Variants in GALNT13 observed in about 807,000 individuals in gnomAD.
The protein encoded by GALNT13 is polypeptide N-acetylgalactosaminyltransferase 13, also known as UDP-GalNAc:polypeptide N-acetylgalactosaminyltransferase 13.
GALNT13 carries 28 observed loss-of-function variants against 64.2 expected under a neutral mutation model. The ratio of observed to expected loss-of-function variants is 0.44; its 90% CI spans 0.32 to 0.60. The LOEUF (loss-of-function observed/expected upper bound fraction) is 0.60, where lower values mean the gene tolerates loss of function less well. Ranked by LOEUF, GALNT13 falls within the 20% of genes least tolerant of loss-of-function variation. The pLI, the probability that GALNT13 is intolerant of heterozygous loss-of-function variation, is 0.05. For synonymous variants in GALNT13, 214 were observed against 224.6 expected (o/e 0.95, Z 0.42); for missense variants, 577 against 669.8 (o/e 0.86, Z 1.53).
intron 12 of GALNT13, among the ~76,000 whole-genome samples, chr2:154,447,987 G>C (rs770785561): frequency 6.6e-6 from 1 of 152,002 alleles, no homozygotes; most frequent in Non-Finnish European, 1.5e-5. Context: ...AGAAATTGGA[G>C]CAGTTCCCTT....
intron 3 of GALNT13, among the ~76,000 whole-genome samples, chr2:154,128,098 A>G (rs1170279112): frequency 1.3e-5 from 2 of 152,024 alleles, no homozygotes; most frequent in African/African-American, 2.4e-5. Flanking sequence ...AGGCCAGGGT[A>G]TGTTTGACAA....
At chr2:153,263,870 T>G in the GALNT13 span, among the ~76,000 whole-genome samples, 2 of 152,118 alleles carry the variant, frequency 1.3e-5, no homozygotes, top group East Asian at 1.9e-4. Context: ...GCAATACCAT[T>G]TAGGATGTAG....
intron 1 of GALNT13, among the ~76,000 whole-genome samples, chr2:153,874,294 C>T (rs1191449505): frequency 6.6e-6 from 1 of 151,826 alleles, no homozygotes; most frequent in East Asian, 2.0e-4. Context: ...TCTCCTTTAG[C>T]CCCTATCCAC....
intron 12 of GALNT13, among the ~76,000 whole-genome samples, 156 bp downstream of exon 12, chr2:154,438,882 A>C (rs895844204): frequency 1.1e-4 from 16 of 152,150 alleles, no homozygotes; most frequent in African/African-American, 3.9e-4. Context: ...AGGATGGCAT[A>C]TCATATAAAC....
At chr2:154,233,927 A>G (rs1573926781) in intron 4 of GALNT13, among the ~76,000 whole-genome samples, 1 of 152,260 alleles carries the variant, frequency 6.6e-6, no homozygotes. Flanking sequence ...TCCAGCTGAA[A>G]ATATTAAACA....
the GALNT13 span, among the ~76,000 whole-genome samples, chr2:153,399,262 T>C: frequency 6.6e-6 from 1 of 151,968 alleles, no homozygotes; most frequent in East Asian, 1.9e-4. Flanking sequence ...CTGAGGGCTC[T>C]GTTCTGTTCC....
chr2:153,225,518 A>G, the GALNT13 span, among the ~76,000 whole-genome samples: 60 of 152,138 alleles, frequency 3.9e-4, no homozygotes, highest in African/African-American at 1.4e-3. Context: ...AAAAGAAATA[A>G]AAGATATATA....
the GALNT13 span, among the ~76,000 whole-genome samples, chr2:153,098,102 A>G: frequency 4.6e-5 from 7 of 152,168 alleles, no homozygotes; most frequent in Non-Finnish European, 8.8e-5. Flanking sequence ...ATGTAATAAC[A>G]TAGTTCCCTT....
chr2:153,511,207 A>T, the GALNT13 span, among the ~76,000 whole-genome samples: 2 of 152,060 alleles, frequency 1.3e-5, no homozygotes, highest in East Asian at 3.9e-4. Context: ...AGCAAAAAGG[A>T]AGAAATTGTT....
At chr2:153,516,816 G>C in the GALNT13 span, among the ~76,000 whole-genome samples, 1 of 152,100 alleles carries the variant, frequency 6.6e-6, no homozygotes, top group Non-Finnish European at 1.5e-5. Flanking sequence ...AAAAAGATCA[G>C]GTTCAGGGCC....
intron 3 of GALNT13, among the ~76,000 whole-genome samples, chr2:154,010,767 T>A (rs994559984): frequency 6.6e-6 from 1 of 152,134 alleles, no homozygotes; most frequent in African/African-American, 2.4e-5. Context: ...TTTTTGATAT[T>A]TATTATTGAT....
the GALNT13 span, among the ~76,000 whole-genome samples, chr2:153,265,780 T>G: frequency 6.6e-6 from 1 of 152,212 alleles, no homozygotes. Flanking sequence ...GAACAAGGTT[T>G]CTTGAGATGG....
At chr2:153,995,193 T>G (rs1384553234) in intron 3 of GALNT13, among the ~76,000 whole-genome samples, 1 of 152,114 alleles carries the variant, frequency 6.6e-6, no homozygotes, top group African/African-American at 2.4e-5. Context: ...TTTCCGTGTT[T>G]TCAGCTTTTT....
intron 9 of GALNT13, among the ~76,000 whole-genome samples, chr2:154,310,266 T>C (rs965232279): frequency 6.6e-6 from 1 of 152,218 alleles, no homozygotes; most frequent in South Asian, 2.1e-4. Context: ...ATCTGTTTTA[T>C]TGTTTTTTGT....
intron 9 of GALNT13, among the ~76,000 whole-genome samples, chr2:154,308,574 C>T (rs535727070): frequency 6.6e-6 from 1 of 152,184 alleles, no homozygotes; most frequent in Non-Finnish European, 1.5e-5. Flanking sequence ...TTGTAATAAT[C>T]TAGGAATATT....
chr2:154,135,420 C>T (rs1000417040), intron 3 of GALNT13, among the ~76,000 whole-genome samples: 2 of 152,086 alleles, frequency 1.3e-5, no homozygotes, highest in Non-Finnish European at 2.9e-5. Flanking sequence ...CCGGGGCTTG[C>T]TATTTACAAC....
the GALNT13 span, among the ~76,000 whole-genome samples, chr2:153,813,260 T>A: frequency 2.6e-5 from 4 of 152,202 alleles, no homozygotes; most frequent in Admixed American, 6.5e-5. Context: ...TACGACATAC[T>A]CTTGTTTAGG....
At position 154,394,982 on chromosome 2, in the gene GALNT13, ATTAG is replaced by A. The variant is rs1347336575; in HGVS notation, c.1157-1005_1157-1002del. On this transcript the variant is annotated intron_variant, in intron 9 of 12. Coordinates refer to ENST00000392825, the MANE Select transcript of GALNT13 (RefSeq NM_052917.4). ...TGGAAAATAGTGGCTTGGTAATGGC[ATTAG>A]TTAAAGACATTTAGATTGTCTAAAC... 2.0e-5 allele frequency among the ~76,000 whole-genome samples: 3 copies of A among 152,296 alleles called. No individual in the cohort carries two copies. The South Asian group carries it at 6.2e-4, about 32-fold the overall frequency.
At chr2:153,330,129 A>G in the GALNT13 span, among the ~76,000 whole-genome samples, 1 of 152,088 alleles carries the variant, frequency 6.6e-6, no homozygotes, top group Non-Finnish European at 1.5e-5. Context: ...TGTCCCAATC[A>G]TCTATGAGTC....
Sources: allele counts gnomAD v4.1 joint callset (sites outside exome capture counted in the v4.1 genomes callset), GRCh38; gene constraint gnomAD v4.1.1; transcripts MANE v1.5; gene names NCBI Gene and HGNC (gene_info 2026-07-23, HGNC 2026-07-21).